KAZN: variants seen among roughly 807,000 people sequenced by gnomAD.
The protein encoded by KAZN is kazrin.
KAZN carries 40 observed loss-of-function variants against 87.4 expected under a neutral mutation model. The ratio of observed to expected loss-of-function variants is 0.46; its 90% CI spans 0.36 to 0.60. KAZN has a LOEUF of 0.60. Ranked by LOEUF, KAZN falls within the 20% of genes least tolerant of loss-of-function variation. KAZN has a pLI of 0.00. For synonymous variants in KAZN, 466 were observed against 458.3 expected (o/e 1.02, Z -0.22); for missense variants, 898 against 1,073.9 (o/e 0.84, Z 2.29).
At chr1:14,151,744 T>A (rs927510797) in intron 1 of KAZN, among the ~76,000 whole-genome samples, 1 of 152,210 alleles carries the variant, frequency 6.6e-6, no homozygotes. Flanking sequence ...AAGAATGAGG[T>A]AAGCTTCCTG....
At chr1:14,725,134 A>G (rs955893097) in intron 1 of KAZN, among the ~76,000 whole-genome samples, 3 of 152,236 alleles carry the variant, frequency 2.0e-5, no homozygotes, top group Admixed American at 2.0e-4. Context: ...CTGATTTGTT[A>G]CATAGCTATA....
At chr1:14,376,536 G>A (rs1234506723) in intron 2 of KAZN, among the ~76,000 whole-genome samples, 2 of 152,160 alleles carry the variant, frequency 1.3e-5, no homozygotes, top group Non-Finnish European at 2.9e-5. Context: ...CCAGATGCCA[G>A]CACTATGCTC....
At chr1:14,491,590 T>G (rs1161973736) in intron 2 of KAZN, among the ~76,000 whole-genome samples, 1 of 152,222 alleles carries the variant, frequency 6.6e-6, no homozygotes, top group Non-Finnish European at 1.5e-5. Flanking sequence ...TTAAATATGA[T>G]GGTAGTTGCT....
chr1:14,288,943 A>T (rs985385012), intron 2 of KAZN, among the ~76,000 whole-genome samples: 6 of 152,208 alleles, frequency 3.9e-5, no homozygotes, highest in Non-Finnish European at 8.8e-5. Flanking sequence ...TTATGTACCC[A>T]GTAGTCATTC....
chr1:13,935,857 T>A (rs914424428), intron 1 of KAZN, among the ~76,000 whole-genome samples: 1 of 125,650 alleles, frequency 8.0e-6, no homozygotes, highest in Non-Finnish European at 1.6e-5. Context: ...TACTTTTACA[T>A]CCTAATGTGT....
intron 1 of KAZN, among the ~76,000 whole-genome samples, chr1:14,850,568 C>T (rs1649316036): frequency 6.6e-6 from 1 of 152,202 alleles, no homozygotes; most frequent in African/African-American, 2.4e-5. Context: ...AGCAACCATC[C>T]TCACCACCTT....
In KAZN at chr1:14,599,131, GC is replaced by G; in HGVS notation, c.138del (p.Gly47AlafsTer49). ...RRLAELSGGG[G>X]PGPGPGAAAS... ...CTGGCGGAACTGAGCGGCGGCGGCGGCCCCGGCCCGGGCCCGGGAGCCGCGG... is the reference window on the plus strand; with the variant it reads ...CTGGCGGAACTGAGCGGCGGCGGCGGCCCGGCCCGGGCCCGGGAGCCGCGG... On this transcript the variant is annotated frameshift_variant, in exon 1 of 15. Transcript: ENST00000376030. LOFTEE classifies it high-confidence loss of function. This position sits in a 1 kb window ranked among gnomAD's most constrained non-coding sequence, Gnocchi z 4.4. 1 of 1,496,198 alleles carries G rather than the reference GC, an allele frequency of 6.7e-7. No individual in the cohort carries two copies. Among genetic ancestry groups the G allele is most frequent in the Admixed American group, 2.4e-5 (1 of 41,752 alleles). 92.7% of individuals were successfully genotyped at this position (1,496,198 alleles called of 1,614,324 possible). A position where few individuals can be genotyped will look rare whatever the true frequency, so the allele number is the denominator to read the frequency against.
intron 2 of KAZN, among the ~76,000 whole-genome samples, chr1:14,239,984 G>A (rs146866861): frequency 9.9e-5 from 15 of 152,272 alleles, no homozygotes; most frequent in African/African-American, 3.1e-4. Flanking sequence ...TTGTAGTGCT[G>A]AGCTTTAGAT....
intron 1 of KAZN, among the ~76,000 whole-genome samples, chr1:14,156,899 TG>T (rs1242351872): frequency 6.7e-6 from 1 of 148,698 alleles, no homozygotes; most frequent in Non-Finnish European, 1.5e-5. Flanking sequence ...CTGGTTGTTT[TG>T]TGGTCTTTTG....
intron 1 of KAZN, among the ~76,000 whole-genome samples, chr1:14,932,054 G>A (rs1405268628): frequency 2.6e-5 from 4 of 152,108 alleles, no homozygotes; most frequent in Non-Finnish European, 5.9e-5. Flanking sequence ...CCCTGCTCCC[G>A]GCTCCAGGCT....
chr1:14,966,072 T>C (rs1664430029), intron 2 of KAZN, among the ~76,000 whole-genome samples: 1 of 149,506 alleles, frequency 6.7e-6, no homozygotes, highest in Admixed American at 6.8e-5. Context: ...CTCCGCCTCC[T>C]GGGTTCAAGT....
intron 1 of KAZN, among the ~76,000 whole-genome samples, chr1:14,605,776 T>A (rs1250662034): frequency 6.6e-6 from 1 of 152,140 alleles, no homozygotes; most frequent in Non-Finnish European, 1.5e-5. Flanking sequence ...AATTCAAACC[T>A]ATGTTCTTCC....
At chr1:14,702,211 C>A (rs554586495) in intron 1 of KAZN, among the ~76,000 whole-genome samples, 7 of 152,118 alleles carry the variant, frequency 4.6e-5, no homozygotes, top group Non-Finnish European at 7.3e-5. Context: ...TGAAAAGGCC[C>A]CATGGCCTGG....
intron 1 of KAZN, among the ~76,000 whole-genome samples, chr1:14,787,438 G>A (rs1645541464): frequency 6.6e-6 from 1 of 152,162 alleles, no homozygotes; most frequent in African/African-American, 2.4e-5. Flanking sequence ...CTCAGCTAGT[G>A]TACTTGGGTT....
chr1:14,454,307 C>T (rs544223868), intron 2 of KAZN, among the ~76,000 whole-genome samples: 2 of 152,374 alleles, frequency 1.3e-5, no homozygotes, highest in African/African-American at 4.8e-5. Context: ...CACTTACACA[C>T]ATTCAACACC....
At chr1:15,048,067 G>A (rs1285048588) in intron 4 of KAZN, among the ~76,000 whole-genome samples, 6 of 152,206 alleles carry the variant, frequency 3.9e-5, no homozygotes, top group African/African-American at 1.4e-4. Context: ...CACTGGGAAA[G>A]CAGGTATTGG....
Position 14,599,067 on chromosome 1 carries a change from A to T in KAZN, c.70A>T (p.Thr24Ser). 6.4e-7 allele frequency: 1 copy of T among 1,562,130 alleles called. No individual in the cohort carries two copies. The highest frequency in any genetic ancestry group is 8.6e-7 in the Non-Finnish European group (1 of 1,158,836). ...GAVQSASQEV[T>S]NLRAELTATN... ...GGTCCAGTCGGCCAGCCAGGAGGTG[A>T]CCAACCTGCGAGCCGAACTCACGGC... is the stretch of plus-strand genomic sequence containing the variant. Residue 24 changes from threonine (T) to serine (S), a missense_variant, in exon 1 of 15, where the codon ACC becomes TCC. Transcript: ENST00000376030. The surrounding 1 kb of genome is among the most constrained non-coding windows in gnomAD (Gnocchi z 4.4).
intron 2 of KAZN, among the ~76,000 whole-genome samples, chr1:14,540,091 C>T (rs1244640990): frequency 6.6e-6 from 1 of 152,286 alleles, no homozygotes. Context: ...AATAAAGGAA[C>T]TGACAGCCCC....
intron 2 of KAZN, among the ~76,000 whole-genome samples, chr1:14,366,376 G>A (rs1307835503): frequency 6.6e-6 from 1 of 152,190 alleles, no homozygotes; most frequent in Admixed American, 6.5e-5. Context: ...CAAGTTTCCC[G>A]GGCAATTAAA....
Sources: allele counts gnomAD v4.1 joint callset (sites outside exome capture counted in the v4.1 genomes callset), GRCh38; gene constraint gnomAD v4.1.1; non-coding constraint Gnocchi (gnomAD v3.1); transcripts MANE v1.5; gene names NCBI Gene and HGNC (gene_info 2026-07-23, HGNC 2026-07-21).